The following HNRNPH1 variants were observed in gnomAD, a reference collection of about 807,000 sequenced individuals.
HNRNPH1 encodes the protein heterogeneous nuclear ribonucleoprotein H1.
HNRNPH1 carries 4 observed loss-of-function variants against 58.6 expected under a neutral mutation model. The ratio of observed to expected loss-of-function variants is 0.07; its 90% CI spans 0.03 to 0.16. The LOEUF (loss-of-function observed/expected upper bound fraction) is 0.16, where lower values mean the gene tolerates loss of function less well. Among genes scored for constraint, HNRNPH1 ranks in the 10% least tolerant of loss-of-function variants. The pLI, the probability that HNRNPH1 is intolerant of heterozygous loss-of-function variation, is 1.00. For missense variants in HNRNPH1, 271 were observed against 564.2 expected, an observed-to-expected ratio of 0.48 and a Z score of 5.26; for synonymous variants, 192 against 189.2, an observed-to-expected ratio of 1.01 and a Z score of -0.12.
chr5:179,623,646 G>T (rs369303868), exon 1 of HNRNPH1: 1 of 153,242 alleles, frequency 6.5e-6, no homozygotes, highest in African/African-American at 2.4e-5. Context: ...CTAGACACGC[G>T]ACTTCTGCGT....
intron 1 of HNRNPH1, chr5:179,621,696 G>C (rs1478392054): frequency 1.4e-5 from 6 of 418,116 alleles, no homozygotes; most frequent in Non-Finnish European, 2.7e-5. Flanking sequence ...CAATTTCTCA[G>C]AAGATTATCA....
intron 3 of HNRNPH1, chr5:179,619,896 T>C (rs2127657354): frequency 7.0e-6 from 1 of 142,872 alleles, no homozygotes; most frequent in African/African-American, 2.6e-5. Flanking sequence ...ATCTAAACTT[T>C]CAACAAAACT....
At chr5:179,622,154 G>A (rs1336487614) in intron 1 of HNRNPH1, among the ~76,000 whole-genome samples, 2 of 152,172 alleles carry the variant, frequency 1.3e-5, no homozygotes, top group African/African-American at 4.8e-5. Context: ...CTGGGCTTCA[G>A]TGTCTTCAAC....
chr5:179,616,666 T>A, intron 10 of HNRNPH1: 1 of 594,320 alleles, frequency 1.7e-6, no homozygotes, highest in East Asian at 2.8e-5. Flanking sequence ...CAAGACTACT[T>A]AAACCTAATT....
upstream of HNRNPH1, among the ~76,000 whole-genome samples, chr5:179,626,483 C>T (rs745897672): frequency 7.3e-5 from 11 of 151,044 alleles, no homozygotes; most frequent in African/African-American, 2.4e-4. Flanking sequence ...TTTGGGAGGC[C>T]GAGGCAGGTG....
chr5:179,617,306 G>T, intron 8 of HNRNPH1, 196 bp from the exon 10 acceptor site: 1 of 729,554 alleles, frequency 1.4e-6, no homozygotes, highest in Non-Finnish European at 2.2e-6. Flanking sequence ...GTCAATTAAG[G>T]ATATACACTT....
intron 2 of HNRNPH1, among the ~76,000 whole-genome samples, chr5:179,631,969 G>A (rs1284666088): frequency 2.0e-5 from 3 of 152,154 alleles, no homozygotes; most frequent in East Asian, 1.9e-4. Context: ...GGCCGCCTCC[G>A]GGACCTGCTC....
chr5:179,617,061 A>C (rs780168520), exon 9 of HNRNPH1: 1 of 1,614,178 alleles, frequency 6.2e-7, no homozygotes, highest in South Asian at 1.1e-5. Context: ...CGTAAGCACC[A>C]CCGCTTGCTC....
intron 2 of HNRNPH1, among the ~76,000 whole-genome samples, chr5:179,632,092 GT>G (rs1562373307): frequency 6.6e-6 from 1 of 152,014 alleles, no homozygotes; most frequent in African/African-American, 2.4e-5. Context: ...GGATCACGAG[GT>G]CAGGAGATCG....
intron 2 of HNRNPH1, among the ~76,000 whole-genome samples, chr5:179,631,901 T>C (rs901717955): frequency 6.6e-6 from 1 of 151,838 alleles, no homozygotes; most frequent in Non-Finnish European, 1.5e-5. Context: ...CTAGGCAAAG[T>C]GGGGAGACCC....
At chr5:179,625,713 T>C (rs1453516673), upstream of HNRNPH1, among the ~76,000 whole-genome samples, 2 of 151,752 alleles carry the variant, frequency 1.3e-5, no homozygotes, top group Non-Finnish European at 2.9e-5. Context: ...CATACACTTA[T>C]AGCCAATTCT....
intron 2 of HNRNPH1, among the ~76,000 whole-genome samples, chr5:179,633,189 A>T (rs1319002930): frequency 6.6e-6 from 1 of 150,846 alleles, no homozygotes; most frequent in Non-Finnish European, 1.5e-5. Flanking sequence ...ATGGGGTTTC[A>T]CCATGTTGGT....
intron 3 of HNRNPH1, 94 bp downstream of exon 4, chr5:179,620,794 TACTG>T: frequency 9.9e-7 from 1 of 1,005,872 alleles, no homozygotes; most frequent in Middle Eastern, 3.2e-4. Context: ...ATTTACAACC[TACTG>T]AAATACCTAA....
intron 2 of HNRNPH1, among the ~76,000 whole-genome samples, chr5:179,632,814 C>G (rs1269490123): frequency 7.0e-6 from 1 of 141,876 alleles, no homozygotes; most frequent in Non-Finnish European, 1.5e-5. Flanking sequence ...CTCAGCTTCC[C>G]GAGTAGGTGG....
chr5:179,631,336 G>T (rs78357094), intron 2 of HNRNPH1, among the ~76,000 whole-genome samples: 1 of 152,150 alleles, frequency 6.6e-6, no homozygotes, highest in Non-Finnish European at 1.5e-5. Context: ...TCTAGGTTCC[G>T]TGTGGTGGCT....
chr5:179,621,981 AT>A (rs1772605258), intron 1 of HNRNPH1: 1 of 456,210 alleles, frequency 2.2e-6, no homozygotes, highest in African/African-American at 2.0e-5. Context: ...CCAACGCTAA[AT>A]TCAGATAGTA....
exon 13 of HNRNPH1, chr5:179,614,767 A>T: frequency 1.3e-6 from 1 of 779,202 alleles, no homozygotes; most frequent in Non-Finnish European, 2.1e-6. Flanking sequence ...AAACTGTTAA[A>T]CTGAAGTTTT....
In HNRNPH1 at chr5:179,621,745, T is replaced by C. The variant is rs116222343; in HGVS notation, c.98-348A>G. 9.1e-4 allele frequency: 340 copies of C among 374,904 alleles called. 3 individuals are homozygous for C. The highest frequency in any genetic ancestry group is 6.7e-3 in the African/African-American group (321 of 47,822). 23.2% of individuals were successfully genotyped at this position (374,904 alleles called of 1,614,324 possible). On this transcript the variant is annotated intron_variant, in intron 1 of 12. Transcript: ENST00000356731. ...TGACTTTACGGCAAACATACTTCGT[T>C]GCGAGCTGTTTTGGTCTGGGGCATT...
upstream of HNRNPH1, among the ~76,000 whole-genome samples, chr5:179,625,868 A>T (rs1440644953): frequency 6.6e-6 from 1 of 151,868 alleles, no homozygotes; most frequent in East Asian, 1.9e-4. Flanking sequence ...TTCTGGGCTC[A>T]AACAATCCTC....
Sources: allele counts gnomAD v4.1 joint callset (sites outside exome capture counted in the v4.1 genomes callset), GRCh38; gene constraint gnomAD v4.1.1; transcripts MANE v1.5; gene names NCBI Gene and HGNC (gene_info 2026-07-23, HGNC 2026-07-21).